The following CCSER1 variants were observed in gnomAD, a reference collection of about 807,000 sequenced individuals.
The protein encoded by CCSER1 is serine-rich coiled-coil domain-containing protein 1.
Under a neutral mutation model 82.0 loss-of-function variants are expected in CCSER1, and 41 were observed. The ratio of observed to expected loss-of-function variants is 0.50; its 90% confidence interval spans 0.39 to 0.65. CCSER1 has a LOEUF of 0.65. Among genes scored for constraint, CCSER1 ranks in the 30% least tolerant of loss-of-function variants. The pLI, the probability that CCSER1 is intolerant of heterozygous loss-of-function variation, is 0.00. For missense variants in CCSER1, 1,119 were observed against 1,064.2 expected, an observed-to-expected ratio of 1.05 and a Z score of -0.72; for synonymous variants, 414 against 383.9, an observed-to-expected ratio of 1.08 and a Z score of -0.92.
intron 6 of CCSER1, among the ~76,000 whole-genome samples, chr4:90,716,426 A>G (rs1167710230): frequency 6.6e-6 from 1 of 152,100 alleles, no homozygotes; most frequent in Non-Finnish European, 1.5e-5. Flanking sequence ...ACTTGCTATT[A>G]TATAAATATT....
At chr4:91,367,258 A>G (rs1288232827) in intron 10 of CCSER1, among the ~76,000 whole-genome samples, 3 of 147,334 alleles carry the variant, frequency 2.0e-5, no homozygotes, top group Non-Finnish European at 4.5e-5. Flanking sequence ...TGGAGGTTGC[A>G]GTGAGCCAAG....
intron 10 of CCSER1, among the ~76,000 whole-genome samples, chr4:91,559,962 A>T (rs2110249697): frequency 6.6e-6 from 1 of 151,616 alleles, no homozygotes; most frequent in Admixed American, 6.6e-5. Flanking sequence ...ATAAGAAATC[A>T]AATTTTGACA....
Position 91,386,105 on chromosome 4 carries a change from G to GT in CCSER1, c.2218-212457dup, listed in dbSNP as rs954913793. Among the ~76,000 whole-genome samples the GT allele has an allele frequency of 9.8e-4, 145 of 147,532 alleles. 1 individual carries two copies. The highest frequency in any genetic ancestry group is 2.8e-3 in the Admixed American group (41 of 14,716). ...GAGCACTTTTAGTGCCCTGAATCCT[G>GT]TTTTTTTTTTAAATACCATTCCCCA... On this transcript the variant is annotated intron_variant, in intron 10 of 10. Transcript: ENST00000509176.
intron 10 of CCSER1, among the ~76,000 whole-genome samples, chr4:91,194,399 T>G (rs113404008): frequency 6.6e-5 from 10 of 152,146 alleles, no homozygotes; most frequent in African/African-American, 1.2e-4. Context: ...TAATTCTAGT[T>G]CAAAGGAGAA....
intron 10 of CCSER1, among the ~76,000 whole-genome samples, chr4:91,091,990 G>A (rs984074829): frequency 8.5e-5 from 13 of 152,244 alleles, no homozygotes; most frequent in South Asian, 6.2e-4. Flanking sequence ...GGAAGTCCTC[G>A]CGGTATAGGA....
At chr4:90,474,067 G>C (rs972478440) in intron 5 of CCSER1, among the ~76,000 whole-genome samples, 1 of 151,696 alleles carries the variant, frequency 6.6e-6, no homozygotes, top group Admixed American at 6.6e-5. Context: ...CTTGAACCTG[G>C]GAGGTGGAGG....
intron 5 of CCSER1, among the ~76,000 whole-genome samples, chr4:90,570,453 G>T (rs1480008492): frequency 6.6e-6 from 1 of 152,028 alleles, no homozygotes; most frequent in South Asian, 2.1e-4. Flanking sequence ...AGGATGCTCT[G>T]CCCTTGAACC....
At chr4:91,399,100 A>C (rs76110567) in intron 10 of CCSER1, among the ~76,000 whole-genome samples, 3,578 of 152,012 alleles carry the variant, frequency 0.024, 119 homozygotes, top group African/African-American at 0.08. Flanking sequence ...GAACACCAAA[A>C]AGTAATACTC....
chr4:90,984,798 TACAGTCAGACTTAGTATCTTAGTCTGTAC>T (rs1365908645), intron 9 of CCSER1, among the ~76,000 whole-genome samples: 1 of 151,886 alleles, frequency 6.6e-6, no homozygotes. Context: ...ACACTCTTTC[TACAGTCAGACTTAGTATCTTAGTCTGTAC>T]ACAGTCAGAC....
intron 8 of CCSER1, among the ~76,000 whole-genome samples, chr4:90,908,613 A>T (rs1725857669): frequency 6.6e-6 from 1 of 152,148 alleles, no homozygotes; most frequent in Non-Finnish European, 1.5e-5. Flanking sequence ...ATAAATATAT[A>T]GTTATTCATG....
chr4:91,238,865 C>G (rs564675316), intron 10 of CCSER1, among the ~76,000 whole-genome samples: 12 of 151,958 alleles, frequency 7.9e-5, no homozygotes, highest in African/African-American at 2.7e-4. Flanking sequence ...GCATGGTCAC[C>G]CAGGCTAGAG....
chr4:90,198,808 C>T (rs1310175862), intron 1 of CCSER1, among the ~76,000 whole-genome samples: 2 of 152,040 alleles, frequency 1.3e-5, no homozygotes, highest in Non-Finnish European at 2.9e-5. Context: ...AAATTGTTTT[C>T]AGAAATCTCT....
chr4:91,182,399 G>A (rs911740841), intron 10 of CCSER1, among the ~76,000 whole-genome samples: 3 of 152,134 alleles, frequency 2.0e-5, no homozygotes, highest in African/African-American at 4.8e-5. Flanking sequence ...GTTTCTGTAC[G>A]TGCTGTACAG....
intron 10 of CCSER1, among the ~76,000 whole-genome samples, chr4:91,162,213 G>A (rs1731491035): frequency 6.6e-6 from 1 of 152,160 alleles, no homozygotes; most frequent in Non-Finnish European, 1.5e-5. Context: ...CTTTGGTTCT[G>A]TTTATGTGAT....
chr4:90,748,521 G>A (rs1264652844), intron 7 of CCSER1, among the ~76,000 whole-genome samples: 2 of 147,998 alleles, frequency 1.4e-5, no homozygotes, highest in Admixed American at 6.8e-5. Flanking sequence ...CTTTATAGCA[G>A]CACGATTTAT....
rs115438937 is a variant in CCSER1 at position 90,765,060 on chromosome 4, C to T, written c.2010+41069C>T. Among the ~76,000 whole-genome samples, 473 of 152,114 alleles carry T rather than the reference C, an allele frequency of 3.1e-3. 1 individual carries two copies. The highest frequency in any genetic ancestry group is 0.011 in the African/African-American group (439 of 41,556). ...AAAAAATCATGACAACCTTGTGTGTCTGCAAGTCTCTGTAAAATGCCTCCA... is the reference window on the plus strand; with the variant it reads ...AAAAAATCATGACAACCTTGTGTGTTTGCAAGTCTCTGTAAAATGCCTCCA... On this transcript the variant is annotated intron_variant, in intron 7 of 10. Transcript: ENST00000509176.
At chr4:90,489,895 G>C (rs749338493) in intron 5 of CCSER1, among the ~76,000 whole-genome samples, 41 of 152,078 alleles carry the variant, frequency 2.7e-4, no homozygotes, top group African/African-American at 7.7e-4. Flanking sequence ...TGTATATGTG[G>C]CACATTTTCT....
intron 10 of CCSER1, among the ~76,000 whole-genome samples, chr4:91,165,014 C>G (rs190629498): frequency 6.6e-6 from 1 of 152,306 alleles, no homozygotes; most frequent in East Asian, 1.9e-4. Flanking sequence ...AAGAGGTGCT[C>G]TAATTTTTAG....
At chr4:91,380,822 A>T (rs1750827221) in intron 10 of CCSER1, among the ~76,000 whole-genome samples, 1 of 152,140 alleles carries the variant, frequency 6.6e-6, no homozygotes, top group Non-Finnish European at 1.5e-5. Flanking sequence ...TCCTTAGTTG[A>T]TGCAGTTTCT....
Sources: allele counts gnomAD v4.1 joint callset (sites outside exome capture counted in the v4.1 genomes callset), GRCh38; gene constraint gnomAD v4.1.1; transcripts MANE v1.5; gene names NCBI Gene and HGNC (gene_info 2026-07-23, HGNC 2026-07-21).